The following HSD17B12 variants were observed in gnomAD, a reference collection of about 807,000 sequenced individuals.
HSD17B12 encodes the protein very-long-chain 3-oxoacyl-CoA reductase.
A neutral mutation model predicts 39.3 loss-of-function variants in HSD17B12; 32 were observed. The observed-to-expected ratio is 0.81, with a 90% CI of 0.61 to 1.09. The LOEUF (loss-of-function observed/expected upper bound fraction) is 1.09, where lower values mean the gene tolerates loss of function less well. HSD17B12 is among the 50% of genes least tolerant of loss of function. The pLI is 0.00. For synonymous variants in HSD17B12, 150 were observed against 146.7 expected, an observed-to-expected ratio of 1.02 and a Z score of -0.16; for missense variants, 342 against 382.9, an observed-to-expected ratio of 0.89 and a Z score of 0.89.
chr11:43,605,493 G>A, the HSD17B12 span, among the ~76,000 whole-genome samples: 41 of 151,544 alleles, frequency 2.7e-4, no homozygotes, highest in African/African-American at 8.3e-4. Flanking sequence ...CCCAGGAGGC[G>A]GAGGTTGCGG....
At chr11:43,768,589 AATTT>A (rs1387402386) in intron 3 of HSD17B12, among the ~76,000 whole-genome samples, 44 of 152,262 alleles carry the variant, frequency 2.9e-4, no homozygotes, top group African/African-American at 1.0e-3. Flanking sequence ...ATGGGTCCAG[AATTT>A]ATTCCTTCTG....
chr11:43,596,045 G>C, the HSD17B12 span, among the ~76,000 whole-genome samples: 11 of 152,158 alleles, frequency 7.2e-5, no homozygotes, highest in African/African-American at 2.7e-4. Context: ...CCCATTCTTT[G>C]TTTTGTGTTG....
rs907021119 is a variant in HSD17B12 at position 43,681,214 on chromosome 11, G to T, written c.160+227G>T. 3.9e-6 allele frequency: 5 copies of T among 1,268,440 alleles called. No individual in the cohort carries two copies. In the African/African-American group the frequency reaches 4.7e-5, roughly 12 times the overall value. 78.6% of individuals were successfully genotyped at this position (1,268,440 alleles called of 1,614,324 possible). A position where few individuals can be genotyped will look rare whatever the true frequency, so the allele number is the denominator to read the frequency against. ...AAATACACTGCTCGCTCAATCCTGG[G>T]AATCTAAGCTCAGCTTAGGGTGTAG... is the stretch of plus-strand genomic sequence containing the variant. On this transcript the variant is annotated intron_variant, in intron 1 of 10. Transcript: ENST00000278353.
At chr11:43,568,590 CT>C in the HSD17B12 span, among the ~76,000 whole-genome samples, 13 of 152,300 alleles carry the variant, frequency 8.5e-5, no homozygotes, top group Admixed American at 8.5e-4. Flanking sequence ...TTCACGCCTA[CT>C]TTTAAAATAA....
chr11:43,575,481 T>C, the HSD17B12 span, among the ~76,000 whole-genome samples: 1 of 152,206 alleles, frequency 6.6e-6, no homozygotes, highest in East Asian at 1.9e-4. The surrounding 1 kb of genome is among the most constrained non-coding windows in gnomAD (Gnocchi z 4.1). Flanking sequence ...ACGGCCGAGT[T>C]TGCATTGGGC....
In HSD17B12 at chr11:43,751,727, C is replaced by T. The variant is rs559600443; in HGVS notation, c.207+770C>T. Among the ~76,000 whole-genome samples the T allele has an allele frequency of 1.1e-4, 16 of 152,290 alleles. No homozygotes were observed. The East Asian group carries it at 3.1e-3, about 29-fold the overall frequency. On this transcript the variant is annotated intron_variant, in intron 2 of 10. Coordinates refer to ENST00000278353, the MANE Select transcript of HSD17B12 (RefSeq NM_016142.3). Reference sequence around the variant, plus strand: ...CCTGTATACTCTTCACCTGGATTCACTAATTGTTAATATTTGGCACATTTA... The same window carrying T: ...CCTGTATACTCTTCACCTGGATTCATTAATTGTTAATATTTGGCACATTTA...
chr11:43,783,848 A>C (rs1950790651), intron 3 of HSD17B12, among the ~76,000 whole-genome samples: 1 of 152,194 alleles, frequency 6.6e-6, no homozygotes. Flanking sequence ...TATTTAACTC[A>C]CTTAAAAATA....
the HSD17B12 span, among the ~76,000 whole-genome samples, chr11:43,603,382 C>A: frequency 6.6e-6 from 1 of 151,814 alleles, no homozygotes; most frequent in African/African-American, 2.4e-5. Flanking sequence ...TAAAAAAAAA[C>A]TTTAGGTTGT....
the HSD17B12 span, among the ~76,000 whole-genome samples, chr11:43,608,362 CAAAA>C: frequency 8.1e-6 from 1 of 123,028 alleles, no homozygotes. Context: ...GACTCTGTCT[CAAAA>C]AAAAAAAAAA....
chr11:43,686,777 G>T (rs1949804363), intron 1 of HSD17B12, among the ~76,000 whole-genome samples: 2 of 152,092 alleles, frequency 1.3e-5, no homozygotes, highest in Admixed American at 6.6e-5. Flanking sequence ...TAGTACATAA[G>T]TGCTTGATAA....
chr11:43,672,259 C>T, the HSD17B12 span, among the ~76,000 whole-genome samples: 4 of 152,008 alleles, frequency 2.6e-5, no homozygotes, highest in Non-Finnish European at 2.9e-5. Flanking sequence ...CCGTGTTAGC[C>T]AGGATGGTGT....
At chr11:43,805,196 C>T (rs892524375) in intron 4 of HSD17B12, among the ~76,000 whole-genome samples, 1 of 152,194 alleles carries the variant, frequency 6.6e-6, no homozygotes, top group Non-Finnish European at 1.5e-5. Context: ...TACAGATTCT[C>T]TTCTTGCTGT....
At chr11:43,772,331 G>A (rs1012399913) in intron 3 of HSD17B12, among the ~76,000 whole-genome samples, 2 of 152,162 alleles carry the variant, frequency 1.3e-5, no homozygotes, top group Admixed American at 6.5e-5. Flanking sequence ...AGAACAAATA[G>A]GTGTGCTCGT....
chr11:43,771,462 C>CTTTTT lies in HSD17B12; in HGVS notation c.283+17359_283+17363dup, dbSNP rs34783257. Reference sequence around the variant, plus strand: ...ATATATGTAGGAGTGGACTCATATTCTTTTTTTTTTTTTTTTTTTTTTGAG... The same window carrying CTTTTT: ...ATATATGTAGGAGTGGACTCATATTCTTTTTTTTTTTTTTTTTTTTTTTTTTTGAG... On this transcript the variant is annotated intron_variant, in intron 3 of 10. Coordinates refer to ENST00000278353, the MANE Select transcript of HSD17B12 (RefSeq NM_016142.3). Among the ~76,000 whole-genome samples, 43 of 90,628 alleles carry CTTTTT rather than the reference C, an allele frequency of 4.7e-4. 1 individual carries two copies. Among genetic ancestry groups the CTTTTT allele is most frequent in the African/African-American group, 1.1e-3 (24 of 22,218 alleles). 59.5% of individuals were successfully genotyped at this position (90,628 alleles called of 152,430 possible).
chr11:43,673,163 C>T, the HSD17B12 span: 1 of 152,206 alleles, frequency 6.6e-6, no homozygotes, highest in Non-Finnish European at 1.5e-5. Context: ...TTCCTCGCTT[C>T]TATGAAACTC....
the HSD17B12 span, among the ~76,000 whole-genome samples, chr11:43,586,110 C>T: frequency 6.6e-6 from 1 of 151,784 alleles, no homozygotes; most frequent in Non-Finnish European, 1.5e-5. Flanking sequence ...ATTTTTTTTT[C>T]CACTAAGCAT....
the HSD17B12 span, among the ~76,000 whole-genome samples, chr11:43,576,836 G>A: frequency 6.6e-6 from 1 of 152,042 alleles, no homozygotes; most frequent in Non-Finnish European, 1.5e-5. Flanking sequence ...GCAGAGCCGG[G>A]AATCACCCTG....
intron 1 of HSD17B12, among the ~76,000 whole-genome samples, chr11:43,695,998 C>G (rs1949908405): frequency 6.6e-6 from 1 of 152,156 alleles, no homozygotes; most frequent in Non-Finnish European, 1.5e-5. Context: ...CTCCTCCCAC[C>G]TTCCACCCTC....
the HSD17B12 span, among the ~76,000 whole-genome samples, chr11:43,666,496 C>T: frequency 6.6e-6 from 1 of 152,170 alleles, no homozygotes; most frequent in African/African-American, 2.4e-5. Context: ...CACACCACCA[C>T]ACCTGGCCAT....
Sources: allele counts gnomAD v4.1 joint callset (sites outside exome capture counted in the v4.1 genomes callset), GRCh38; gene constraint gnomAD v4.1.1; non-coding constraint Gnocchi (gnomAD v3.1); transcripts MANE v1.5; gene names NCBI Gene and HGNC (gene_info 2026-07-23, HGNC 2026-07-21).